The following FUT8 variants were observed in gnomAD, a reference collection of about 807,000 sequenced individuals.
The protein encoded by FUT8 is alpha-(1,6)-fucosyltransferase.
Under a neutral mutation model 71.3 loss-of-function variants are expected in FUT8, and 29 were observed. That is an observed-to-expected ratio of 0.41 (90% CI 0.30 to 0.55). The LOEUF (loss-of-function observed/expected upper bound fraction) is 0.55, where lower values mean the gene tolerates loss of function less well. Ranked by LOEUF, FUT8 falls within the 20% of genes least tolerant of loss-of-function variation. FUT8 has a pLI of 0.34. For synonymous variants in FUT8, 254 were observed against 239.3 expected, an observed-to-expected ratio of 1.06 and a Z score of -0.57; for missense variants, 544 against 702.1, an observed-to-expected ratio of 0.77 and a Z score of 2.55.
At chr14:65,526,031 A>G (rs1029075019) in intron 2 of FUT8, among the ~76,000 whole-genome samples, 9 of 152,162 alleles carry the variant, frequency 5.9e-5, no homozygotes, top group Non-Finnish European at 1.3e-4. Context: ...AGAAGAATGT[A>G]TATTCTGTTG....
intron 2 of FUT8, among the ~76,000 whole-genome samples, chr14:65,525,974 A>G (rs183570899): frequency 6.6e-6 from 1 of 152,326 alleles, no homozygotes; most frequent in Admixed American, 6.5e-5. Flanking sequence ...GGTGTGCTTT[A>G]CTTCCAATTA....
chr14:65,494,994 T>A (rs1027230970), intron 2 of FUT8, among the ~76,000 whole-genome samples: 1 of 152,094 alleles, frequency 6.6e-6, no homozygotes, highest in African/African-American at 2.4e-5. Flanking sequence ...AACTCAATGC[T>A]TTTTCTCTAG....
chr14:65,374,920 G>GT, the FUT8 span, among the ~76,000 whole-genome samples: 2 of 152,066 alleles, frequency 1.3e-5, no homozygotes, highest in Admixed American at 1.3e-4. Flanking sequence ...AGTTGTAAAT[G>GT]TAACTATTCC....
the FUT8 span, among the ~76,000 whole-genome samples, chr14:65,386,162 A>AG: frequency 6.6e-6 from 1 of 150,568 alleles, no homozygotes; most frequent in East Asian, 2.0e-4. Context: ...AAAAAAAAAA[A>AG]GAAGTTCAGT....
chr14:65,361,039 A>T, the FUT8 span, among the ~76,000 whole-genome samples: 1 of 152,184 alleles, frequency 6.6e-6, no homozygotes, highest in Non-Finnish European at 1.5e-5. Context: ...CATGAGAGTG[A>T]TTACATGGTG....
chr14:65,388,232 A>T, the FUT8 span, among the ~76,000 whole-genome samples: 2 of 152,340 alleles, frequency 1.3e-5, no homozygotes, highest in African/African-American at 4.8e-5. Context: ...CTTTAGTTAA[A>T]AACTTGAAAT....
chr14:65,448,983 G>A (rs2065782949), intron 1 of FUT8, among the ~76,000 whole-genome samples: 1 of 152,050 alleles, frequency 6.6e-6, no homozygotes, highest in African/African-American at 2.4e-5. Flanking sequence ...AGTGATTTTT[G>A]GCATATTAGT....
At chr14:65,431,127 C>G (rs1378234526) in intron 1 of FUT8, among the ~76,000 whole-genome samples, 1 of 150,104 alleles carries the variant, frequency 6.7e-6, no homozygotes, top group African/African-American at 2.5e-5. Context: ...TCCGGAGTAG[C>G]TGGGATTACA....
chr14:65,389,970 G>A, the FUT8 span, among the ~76,000 whole-genome samples: 1 of 150,522 alleles, frequency 6.6e-6, no homozygotes, highest in Non-Finnish European at 1.5e-5. Flanking sequence ...GTGAAACCCC[G>A]TCTCTACTAA....
chr14:65,546,763 T>A (rs1359538604), intron 2 of FUT8, among the ~76,000 whole-genome samples: 2 of 151,564 alleles, frequency 1.3e-5, no homozygotes, highest in Non-Finnish European at 3.0e-5. Context: ...CTTTTTCCAT[T>A]TTCTAGAACT....
Position 65,474,306 on chromosome 14 carries a change from A to T in FUT8, c.-228+18588A>T, listed in dbSNP as rs149570937. Among the ~76,000 whole-genome samples the T allele has an allele frequency of 2.9e-4, 44 of 151,796 alleles. No individual in the cohort carries two copies. In the East Asian group the frequency reaches 7.9e-3, roughly 27 times the overall value. On this transcript the variant is annotated intron_variant, in intron 2 of 10. Coordinates refer to ENST00000673929, the MANE Select transcript of FUT8 (RefSeq NM_001371533.1). ...CAAAAGCTATTGAAATAAAAAAGAT[A>T]TTTAAAAAAAAAGAGGCCAGGCAGG...
rs375327417 is a variant in FUT8, at chr14:65,458,417, A to T, written c.-228+2699A>T. Among the ~76,000 whole-genome samples the T allele has an allele frequency of 1.4e-4, 22 of 152,342 alleles. No individual in the cohort carries two copies. The East Asian group carries it at 3.7e-3, about 25-fold the overall frequency. The stretch of plus-strand genomic sequence containing the variant: ...GGAAAAGTCAGTTTAAACTTTCTTG[A>T]ATGAATATGTAGGATGAAAGTGATA... On this transcript the variant is annotated intron_variant, in intron 2 of 10. Coordinates refer to ENST00000673929, the MANE Select transcript of FUT8 (RefSeq NM_001371533.1).
rs1328113815 is a variant in FUT8 at position 65,660,783 on chromosome 14, C to A, written c.598-8460C>A. Among the ~76,000 whole-genome samples, 1 of 152,174 alleles carries A rather than the reference C, an allele frequency of 6.6e-6. No individual in the cohort carries two copies. The highest frequency in any genetic ancestry group is 1.5e-5 in the Non-Finnish European group (1 of 68,016). ...GAGCATGCTTTTTAATTGCCTCTTT[C>A]ATGGTTATTAACTGAGTCTTCATTT... On this transcript the variant is annotated intron_variant, in intron 6 of 10. Coordinates refer to ENST00000673929, the MANE Select transcript of FUT8 (RefSeq NM_001371533.1). The surrounding 1 kb of genome is among the most constrained non-coding windows in gnomAD (Gnocchi z 4.1).
At chr14:65,540,820 T>G (rs1430185053) in intron 2 of FUT8, among the ~76,000 whole-genome samples, 3 of 152,152 alleles carry the variant, frequency 2.0e-5, no homozygotes, top group Admixed American at 6.5e-5. Context: ...AGATCTACTT[T>G]AATCATGCTA....
chr14:65,634,425 G>A (rs1266868372), intron 6 of FUT8, among the ~76,000 whole-genome samples: 1 of 152,088 alleles, frequency 6.6e-6, no homozygotes, highest in African/African-American at 2.4e-5. Context: ...CACAAACACT[G>A]CGGAAGGCTG....
At chr14:65,667,209 A>G (rs534051630) in intron 6 of FUT8, among the ~76,000 whole-genome samples, 25 of 152,234 alleles carry the variant, frequency 1.6e-4, no homozygotes, top group Non-Finnish European at 2.6e-4. Flanking sequence ...AAGGCATCCA[A>G]ATAGGAAGAA....
chr14:65,408,305 C>T (rs1417318893), upstream of FUT8, among the ~76,000 whole-genome samples: 1 of 152,132 alleles, frequency 6.6e-6, no homozygotes, highest in Non-Finnish European at 1.5e-5. Context: ...AACTGTTCTA[C>T]CTGGAATTGA....
At chr14:65,664,912 G>A (rs1892134345) in intron 6 of FUT8, among the ~76,000 whole-genome samples, 1 of 151,990 alleles carries the variant, frequency 6.6e-6, no homozygotes, top group South Asian at 2.1e-4. Flanking sequence ...GAACTAAGAT[G>A]CCTAGGAATA....
At chr14:65,429,327 A>G (rs1486516245) in intron 1 of FUT8, among the ~76,000 whole-genome samples, 1 of 152,214 alleles carries the variant, frequency 6.6e-6, no homozygotes, top group African/African-American at 2.4e-5. Flanking sequence ...ACTAGAGCAT[A>G]TGAGTGATAA....
Sources: gnomAD v4.1 joint callset for allele counts (sites outside exome capture counted in the v4.1 genomes callset) on GRCh38, gnomAD v4.1.1 for gene constraint, Gnocchi (gnomAD v3.1) non-coding constraint, MANE v1.5 for transcripts, NCBI Gene and HGNC (gene_info 2026-07-23, HGNC 2026-07-21) for gene names.